Variants in WFDC1 observed in about 807,000 individuals in gnomAD.
WFDC1 encodes the protein WAP four-disulfide core domain 1.
Under a neutral mutation model 32.9 loss-of-function variants are expected in WFDC1, and 39 were observed. The ratio of observed to expected loss-of-function variants is 1.19; its 90% CI spans 0.92 to 1.55. The LOEUF (loss-of-function observed/expected upper bound fraction) is 1.55, where lower values mean the gene tolerates loss of function less well. WFDC1 is among the 40% of genes most tolerant of loss of function. The pLI is 0.00. For synonymous variants in WFDC1, 184 were observed against 137.4 expected (o/e 1.34, Z -2.37); for missense variants, 386 against 309.5 (o/e 1.25, Z -1.85).
chr16:84,312,650 A>G (rs1907700461), intron 1 of WFDC1, among the ~76,000 whole-genome samples: 1 of 152,172 alleles, frequency 6.6e-6, no homozygotes, highest in Non-Finnish European at 1.5e-5. Flanking sequence ...TATATTATGT[A>G]TTATGTATCA....
intron 2 of WFDC1, among the ~76,000 whole-genome samples, chr16:84,314,059 A>C (rs1213046976): frequency 6.6e-6 from 1 of 152,078 alleles, no homozygotes; most frequent in Non-Finnish European, 1.5e-5. Context: ...AAAAGAAAGA[A>C]AAAGAAAAGA....
At chr16:84,319,621 C>A in intron 4 of WFDC1, 50 bp downstream of exon 4, 1 of 1,596,092 alleles carries the variant, frequency 6.3e-7, no homozygotes, top group Non-Finnish European at 8.5e-7. Context: ...CAGTCCCCTT[C>A]TCCCTGTAAG....
chr16:84,321,351 G>C (rs1908293681), intron 4 of WFDC1, among the ~76,000 whole-genome samples: 1 of 152,182 alleles, frequency 6.6e-6, no homozygotes, highest in African/African-American at 2.4e-5. Flanking sequence ...TGCCGTGGGT[G>C]GGTGGGGTGT....
intron 2 of WFDC1, among the ~76,000 whole-genome samples, chr16:84,315,624 C>T (rs1265987249): frequency 6.6e-6 from 1 of 152,226 alleles, no homozygotes; most frequent in Admixed American, 6.5e-5. Context: ...CAGGGGGGCG[C>T]TCTCCCGTGC....
chr16:84,299,223 G>A (rs1295999713), intron 1 of WFDC1, among the ~76,000 whole-genome samples: 1 of 151,994 alleles, frequency 6.6e-6, no homozygotes, highest in African/African-American at 2.4e-5. Context: ...AATTAGCCGG[G>A]CATGGTGGCG....
intron 1 of WFDC1, among the ~76,000 whole-genome samples, chr16:84,309,505 G>A (rs1234950255): frequency 1.3e-5 from 2 of 152,104 alleles, no homozygotes; most frequent in Non-Finnish European, 2.9e-5. Flanking sequence ...TGGGCCTGGG[G>A]TGGGGTTCAT....
chr16:84,304,176 C>G (rs965426903), intron 1 of WFDC1, among the ~76,000 whole-genome samples: 3 of 152,208 alleles, frequency 2.0e-5, no homozygotes, highest in African/African-American at 7.2e-5. Flanking sequence ...CATTTCCCCA[C>G]CTGCTTCCTA....
In WFDC1 at chr16:84,295,107, A is replaced by G. The variant is rs781466629; in HGVS notation, c.136A>G (p.Lys46Glu). ...KRALPARLAE[K>E]SRAEEAGAPG... ...GGCATTGCCTGCGAGGCTGGCCGAG[A>G]AATCCCGTGTAAGTGCCTGGGATGG... The change falls in exon 1 of 7, where the codon AAA (lysine) becomes GAA (glutamate). Residue 46 changes from lysine (K) to glutamate (E), a missense_variant. By Grantham distance (56) the Lys-to-Glu change is moderately conservative. Transcript: ENST00000219454. 94 of 1,613,848 alleles carry G rather than the reference A, an allele frequency of 5.8e-5. 1 individual carries two copies. The highest frequency in any genetic ancestry group is 4.7e-4 in the South Asian group (43 of 91,042).
intron 1 of WFDC1, among the ~76,000 whole-genome samples, chr16:84,303,555 A>G (rs1467258288): frequency 6.6e-6 from 1 of 152,042 alleles, no homozygotes; most frequent in East Asian, 1.9e-4. Context: ...CCAAGATGTA[A>G]ACTCTGGTGA....
At chr16:84,318,383 A>T (rs539746381) in intron 3 of WFDC1, 28 bp downstream of exon 3, 1 of 1,609,758 alleles carries the variant, frequency 6.2e-7, no homozygotes, top group African/African-American at 1.3e-5. Context: ...CCCAGACCCT[A>T]CATCCAAGCC....
chr16:84,313,906 G>T (rs1368830377), intron 2 of WFDC1, among the ~76,000 whole-genome samples: 3 of 152,192 alleles, frequency 2.0e-5, no homozygotes, highest in Non-Finnish European at 4.4e-5. Context: ...GCCAGGCGTG[G>T]TGGCAGGAGC....
intron 1 of WFDC1, among the ~76,000 whole-genome samples, chr16:84,310,108 C>T (rs2151373771): frequency 6.6e-6 from 1 of 152,078 alleles, no homozygotes; most frequent in Middle Eastern, 3.4e-3. Context: ...GGCTCGAGGC[C>T]CTCCCTTGAA....
At chr16:84,309,363 C>G (rs118122877) in intron 1 of WFDC1, among the ~76,000 whole-genome samples, 2,091 of 152,244 alleles carry the variant, frequency 0.014, 26 homozygotes, top group Middle Eastern at 0.02. Flanking sequence ...CCTCTGGGGC[C>G]TTGGAGCACA....
intron 2 of WFDC1, among the ~76,000 whole-genome samples, chr16:84,313,878 C>T (rs973056907): frequency 2.0e-5 from 3 of 152,102 alleles, no homozygotes; most frequent in African/African-American, 4.8e-5. Context: ...CCCGTCTCTA[C>T]TAAAAATACA....
rs542104304 is a variant in WFDC1 at position 84,329,432 on chromosome 16, T to A, written c.*126T>A. The A allele has an allele frequency of 1.3e-5, 2 of 152,248 alleles. No individual in the cohort carries two copies. Among genetic ancestry groups the A allele is most frequent in the East Asian group, 3.9e-4 (2 of 5,182 alleles). 9.4% of individuals were successfully genotyped at this position (152,248 alleles called of 1,614,324 possible). ...GCTCAGCAGAGCAAGACCCCAGAGA[T>A]GCTTAGAGACAGGACACCTGGCCAT... On this transcript the variant is annotated 3_prime_UTR_variant, in exon 7 of 7. Transcript: ENST00000219454.
intron 1 of WFDC1, among the ~76,000 whole-genome samples, chr16:84,310,255 G>A (rs902678966): frequency 2.0e-5 from 3 of 152,080 alleles, no homozygotes; most frequent in African/African-American, 4.8e-5. Flanking sequence ...TGGTGTCACC[G>A]AAGCACATCC....
In WFDC1 at chr16:84,319,514, G is replaced by T. The variant is rs753893991; in HGVS notation, c.505G>T (p.Asp169Tyr). 4 of 1,612,914 alleles carry T rather than the reference G, an allele frequency of 2.5e-6. No homozygotes were observed. Among genetic ancestry groups the T allele is most frequent in the Admixed American group, 3.3e-5 (2 of 60,002 alleles). Residue 169 changes from aspartate (D) to tyrosine (Y), a missense_variant, in exon 4 of 7, where the codon GAC (aspartate) becomes TAC (tyrosine). Transcript: ENST00000219454. ...GYECHILSPGDVAEGIPNRGQ... is the reference protein window; with the variant it reads ...GYECHILSPGYVAEGIPNRGQ... The stretch of plus-strand genomic sequence containing the variant: ...TGAGTGCCACATCCTGAGCCCAGGT[G>T]ACGTGGCCGAAGGTATCCCCAACCG...
intron 6 of WFDC1, chr16:84,327,901 C>T (rs368437520): frequency 1.3e-5 from 2 of 152,286 alleles, no homozygotes; most frequent in East Asian, 1.9e-4. Flanking sequence ...CCGCTGCCCT[C>T]AGGGAGGCCA....
intron 5 of WFDC1, 123 bp from the exon 6 acceptor site, chr16:84,326,759 A>G: frequency 8.9e-7 from 1 of 1,126,938 alleles, no homozygotes; most frequent in African/African-American, 1.5e-5. Flanking sequence ...GAGTGACCTC[A>G]GCTGGGGGAG....
Sources: gnomAD v4.1 joint callset for allele counts (sites outside exome capture counted in the v4.1 genomes callset) on GRCh38, gnomAD v4.1.1 for gene constraint, MANE v1.5 for transcripts, NCBI Gene and HGNC (gene_info 2026-07-23, HGNC 2026-07-21) for gene names.